Variants in UNC80 observed in about 807,000 individuals in gnomAD.
UNC80 encodes the protein protein unc-80 homolog.
Under a neutral mutation model 384.6 loss-of-function variants are expected in UNC80, and 164 were observed. That is an observed-to-expected ratio of 0.43 (90% CI 0.38 to 0.49). The LOEUF is 0.49. Among genes scored for constraint, UNC80 ranks in the 20% least tolerant of loss-of-function variants. The pLI is 0.00. For synonymous variants in UNC80, 1,486 were observed against 1,527.8 expected, an observed-to-expected ratio of 0.97 and a Z score of 0.64; for missense variants, 3,330 against 4,143.0, an observed-to-expected ratio of 0.80 and a Z score of 5.39.
At chr2:209,885,404 A>C (rs1461563005) in intron 25 of UNC80, among the ~76,000 whole-genome samples, 2 of 152,194 alleles carry the variant, frequency 1.3e-5, no homozygotes, top group East Asian at 3.9e-4. Context: ...ATTTGAATAT[A>C]GCTTTGAAAG....
chr2:209,825,205 T>C (rs1055998531), intron 13 of UNC80, among the ~76,000 whole-genome samples: 20 of 152,296 alleles, frequency 1.3e-4, no homozygotes, highest in African/African-American at 4.6e-4. Context: ...TATGCTTCTT[T>C]GGAAATAATT....
intron 22 of UNC80, among the ~76,000 whole-genome samples, chr2:209,860,942 T>A (rs900494493): frequency 1.2e-4 from 18 of 152,218 alleles, no homozygotes; most frequent in African/African-American, 3.9e-4. Flanking sequence ...TTTAAGGAGT[T>A]TTGGTGCTGA....
chr2:209,972,365 G>T, intron 55 of UNC80, 41 bp downstream of exon 55: 1 of 1,544,090 alleles, frequency 6.5e-7, no homozygotes, highest in Non-Finnish European at 8.7e-7. Flanking sequence ...CATTGTTGTT[G>T]TGTTCTCTTA....
At chr2:209,814,287 G>T (rs2079571405) in intron 8 of UNC80, among the ~76,000 whole-genome samples, 1 of 151,844 alleles carries the variant, frequency 6.6e-6, no homozygotes, top group Non-Finnish European at 1.5e-5. Flanking sequence ...CCAGGCTGGG[G>T]TGCAGTGGCA....
intron 28 of UNC80, among the ~76,000 whole-genome samples, chr2:209,901,101 A>T (rs2087346464): frequency 1.3e-5 from 2 of 152,254 alleles, no homozygotes; most frequent in Non-Finnish European, 2.9e-5. Flanking sequence ...TCTAGCCAGG[A>T]TCATTGATGT....
At chr2:209,834,605 A>C (rs762278738) in intron 17 of UNC80, among the ~76,000 whole-genome samples, 3 of 152,214 alleles carry the variant, frequency 2.0e-5, no homozygotes, top group African/African-American at 4.8e-5. Context: ...TCTAGTAAAC[A>C]TATATTTATT....
chr2:209,969,852 G>A lies in UNC80; in HGVS notation c.8091G>A (p.Leu2697=), dbSNP rs2092832489. The change falls in exon 53 of 65, where the codon CTG becomes CTA. Residue 2697 remains leucine, a synonymous_variant. Transcript: ENST00000673920. Reference sequence around the variant, plus strand: ...AGAGGCAGCCAATCATATCCTTCCTGCCTCACCTTAGGTCACTGATCAATG... The same window carrying A: ...AGAGGCAGCCAATCATATCCTTCCTACCTCACCTTAGGTCACTGATCAATG... ...TLQRQPIISF[L]PHLRSLINVC... 1 of 1,551,620 alleles carries A rather than the reference G, an allele frequency of 6.4e-7. No homozygotes were observed. The highest frequency in any genetic ancestry group is 8.7e-7 in the Non-Finnish European group (1 of 1,146,996).
At chr2:209,959,303 G>T in intron 50 of UNC80, 149 bp downstream of exon 50, 1 of 1,182,102 alleles carries the variant, frequency 8.5e-7, no homozygotes, top group Non-Finnish European at 1.2e-6. Context: ...CTACAGTTTG[G>T]GATGACAGTC....
chr2:209,945,199 A>C lies in UNC80; in HGVS notation c.7189+10A>C. On this transcript the variant is annotated intron_variant, in intron 46 of 64. Transcript: ENST00000673920. ...CCTCTCAAGTCATTAGGTAAAAGCA[A>C]AACTTGCTTTGACATTCTTTTTCTC... 1 of 1,545,624 alleles carries C rather than the reference A, an allele frequency of 6.5e-7. No homozygotes were observed. The highest frequency in any genetic ancestry group is 8.7e-7 in the Non-Finnish European group (1 of 1,145,166).
At chr2:209,790,338 T>G (rs1027564810) in intron 6 of UNC80, among the ~76,000 whole-genome samples, 4 of 152,198 alleles carry the variant, frequency 2.6e-5, no homozygotes, top group African/African-American at 9.7e-5. Context: ...CAACTGTTAT[T>G]ACTCAGGAAG....
At chr2:209,849,297 CATT>C (rs1162419653) in intron 21 of UNC80, among the ~76,000 whole-genome samples, 151 bp from the exon 22 acceptor site, 2 of 152,066 alleles carry the variant, frequency 1.3e-5, no homozygotes, top group Non-Finnish European at 2.9e-5. Flanking sequence ...TTAAATCAAA[CATT>C]AGGGTGGAGA....
chr2:209,941,534 T>C (rs2091631920), intron 44 of UNC80, 45 bp downstream of exon 44: 9 of 1,466,012 alleles, frequency 6.1e-6, no homozygotes, highest in Non-Finnish European at 8.2e-6. Flanking sequence ...ACATGAGTAC[T>C]GCTCATATCT....
intron 21 of UNC80, among the ~76,000 whole-genome samples, chr2:209,843,220 A>G (rs899402570): frequency 6.6e-6 from 1 of 152,230 alleles, no homozygotes; most frequent in Non-Finnish European, 1.5e-5. Flanking sequence ...GCAATATGCC[A>G]TATTTAAAAT....
At chr2:209,875,790 C>T (rs1035757967) in intron 23 of UNC80, among the ~76,000 whole-genome samples, 1 of 152,128 alleles carries the variant, frequency 6.6e-6, no homozygotes, top group Non-Finnish European at 1.5e-5. Context: ...GTCAAAACAC[C>T]AATTTGTCAA....
chr2:209,832,392 T>G (rs2081037128), intron 16 of UNC80, among the ~76,000 whole-genome samples: 1 of 152,136 alleles, frequency 6.6e-6, no homozygotes, highest in Admixed American at 6.6e-5. Flanking sequence ...CTGAAAAATC[T>G]AACATGAATA....
At chr2:209,774,773 T>C (rs938009007) in intron 2 of UNC80, among the ~76,000 whole-genome samples, 23 of 152,310 alleles carry the variant, frequency 1.5e-4, no homozygotes, top group African/African-American at 4.8e-4. Flanking sequence ...TCTAGTTTCT[T>C]AAAGCAAAAT....
chr2:209,917,349 T>G (rs564730102), intron 31 of UNC80, among the ~76,000 whole-genome samples: 11 of 152,236 alleles, frequency 7.2e-5, no homozygotes, highest in Non-Finnish European at 1.3e-4. Flanking sequence ...ATGTTTCTAA[T>G]AGAGCCTATG....
At chr2:209,979,116 G>A (rs1454829433) in intron 59 of UNC80, among the ~76,000 whole-genome samples, 5 of 152,050 alleles carry the variant, frequency 3.3e-5, no homozygotes, top group Admixed American at 1.3e-4. Flanking sequence ...GAGTGTGTTG[G>A]TGTGCACCTC....
chr2:209,939,958 T>C (rs901992020), intron 43 of UNC80, among the ~76,000 whole-genome samples: 2 of 152,178 alleles, frequency 1.3e-5, no homozygotes, highest in Non-Finnish European at 2.9e-5. Context: ...GAAGGACTTG[T>C]TGAAACACAG....
Sources: gnomAD v4.1 joint callset for allele counts (sites outside exome capture counted in the v4.1 genomes callset) on GRCh38, gnomAD v4.1.1 for gene constraint, MANE v1.5 for transcripts, NCBI Gene and HGNC (gene_info 2026-07-23, HGNC 2026-07-21) for gene names.